ST8SIA1: variants seen among roughly 807,000 people sequenced by gnomAD.
ST8SIA1 encodes alpha-N-acetylneuraminide alpha-2,8-sialyltransferase.
A neutral mutation model predicts 35.9 loss-of-function variants in ST8SIA1; 16 were observed. The observed-to-expected ratio is 0.45, with a 90% CI of 0.30 to 0.68. ST8SIA1 has a LOEUF of 0.68. Ranked by LOEUF, ST8SIA1 falls within the 30% of genes least tolerant of loss-of-function variation. The probability of loss-of-function intolerance (pLI) is 0.09; values close to 1 mark genes in which losing one functional copy is unlikely to be tolerated. For missense variants in ST8SIA1, 383 were observed against 453.6 expected (o/e 0.84, Z 1.41); for synonymous variants, 170 against 169.6 (o/e 1.00, Z -0.02).
chr12:22,249,503 A>T (rs1030139699), intron 3 of ST8SIA1, among the ~76,000 whole-genome samples: 11 of 152,132 alleles, frequency 7.2e-5, no homozygotes, highest in Admixed American at 1.3e-4. Flanking sequence ...TACAGGCGTG[A>T]GCCACTGCAC....
At chr12:22,273,110 A>G (rs1865930892) in intron 2 of ST8SIA1, among the ~76,000 whole-genome samples, 1 of 152,200 alleles carries the variant, frequency 6.6e-6, no homozygotes, top group South Asian at 2.1e-4. Context: ...GGAGGCAGAC[A>G]AATGCCTAGA....
chr12:22,259,943 TGAATATTACTATTTTAACAGA>T (rs1865770019), intron 2 of ST8SIA1, among the ~76,000 whole-genome samples: 3 of 152,182 alleles, frequency 2.0e-5, no homozygotes, highest in Admixed American at 1.3e-4. Context: ...CATTGCCACA[TGAATATTACTATTTTAACAGA>T]GAATATTTTT....
intron 1 of ST8SIA1, among the ~76,000 whole-genome samples, chr12:22,320,600 T>G (rs1313754484): frequency 6.6e-6 from 1 of 152,112 alleles, no homozygotes; most frequent in African/African-American, 2.4e-5. Flanking sequence ...ATCCCAGCAC[T>G]TTGTGAGGCC....
chr12:22,309,370 T>G (rs1157794813), intron 1 of ST8SIA1, among the ~76,000 whole-genome samples: 2 of 152,290 alleles, frequency 1.3e-5, no homozygotes, highest in African/African-American at 4.8e-5. Context: ...AGAGTGGTTT[T>G]GGCCAGTCTA....
chr12:22,222,322 G>A (rs1166349952), intron 4 of ST8SIA1, among the ~76,000 whole-genome samples: 1 of 152,156 alleles, frequency 6.6e-6, no homozygotes, highest in African/African-American at 2.4e-5. Flanking sequence ...AACATGTTCA[G>A]CAAGAGAAGC....
At chr12:22,203,104 C>T (rs551496928) in intron 4 of ST8SIA1, among the ~76,000 whole-genome samples, 1 of 152,182 alleles carries the variant, frequency 6.6e-6, no homozygotes, top group Non-Finnish European at 1.5e-5. Context: ...AAAAGGTACT[C>T]TAATAGAATA....
At chr12:22,312,142 C>A (rs559730840) in intron 1 of ST8SIA1, among the ~76,000 whole-genome samples, 1 of 152,134 alleles carries the variant, frequency 6.6e-6, no homozygotes. Context: ...CCTCCCTCTC[C>A]TCTAAATAAA....
chr12:22,304,334 C>CTTTTTTTTTTTTTTTTTT (rs3063802), intron 1 of ST8SIA1, among the ~76,000 whole-genome samples: 7 of 106,224 alleles, frequency 6.6e-5, no homozygotes, highest in Admixed American at 9.9e-5. Context: ...TTTTCTTTTT[C>CTTTTTTTTTTTTTTTTTT]TTTTTTTTTT....
chr12:22,301,577 C>T (rs553893712), intron 1 of ST8SIA1, among the ~76,000 whole-genome samples: 366 of 152,258 alleles, frequency 2.4e-3, no homozygotes, highest in African/African-American at 8.5e-3. Flanking sequence ...TAGTTATTTG[C>T]ATAAGTTCAA....
intron 2 of ST8SIA1, among the ~76,000 whole-genome samples, chr12:22,265,450 A>G (rs1591838906): frequency 6.6e-6 from 1 of 152,212 alleles, no homozygotes; most frequent in Non-Finnish European, 1.5e-5. Flanking sequence ...ATCACCTTGT[A>G]GCCCGCCTGC....
intron 4 of ST8SIA1, among the ~76,000 whole-genome samples, chr12:22,204,769 G>A (rs1387714795): frequency 6.6e-6 from 1 of 152,024 alleles, no homozygotes; most frequent in Non-Finnish European, 1.5e-5. Flanking sequence ...CTCCCATTCT[G>A]TGACAAATGA....
chr12:22,265,943 C>G (rs1865843081), intron 2 of ST8SIA1, among the ~76,000 whole-genome samples: 1 of 152,038 alleles, frequency 6.6e-6, no homozygotes, highest in African/African-American at 2.4e-5. Flanking sequence ...CACTTCCGAT[C>G]TTCATTGAAG....
chr12:22,218,613 A>AAATAAATAAATAAAT (rs1194738903), intron 4 of ST8SIA1, among the ~76,000 whole-genome samples: 2 of 23,488 alleles, frequency 8.5e-5, no homozygotes, highest in African/African-American at 1.2e-4. Context: ...GCGAGACTCA[A>AAATAAATAAATAAAT]AATAAATAAA....
chr12:22,307,925 G>A (rs144711997), intron 1 of ST8SIA1, among the ~76,000 whole-genome samples: 44 of 152,112 alleles, frequency 2.9e-4, no homozygotes, highest in African/African-American at 6.3e-4. Flanking sequence ...TAAAACATAC[G>A]TGTATAAAAA....
intron 4 of ST8SIA1, among the ~76,000 whole-genome samples, chr12:22,243,660 C>T (rs998012064): frequency 7.2e-5 from 11 of 152,356 alleles, no homozygotes; most frequent in African/African-American, 2.6e-4. Flanking sequence ...TGGCTTAAAA[C>T]ATTGTATTCC....
intron 2 of ST8SIA1, among the ~76,000 whole-genome samples, chr12:22,280,611 C>T (rs1372418856): frequency 6.6e-6 from 1 of 152,242 alleles, no homozygotes; most frequent in Admixed American, 6.5e-5. Flanking sequence ...ATTTTGTTCT[C>T]AACCATAGAC....
intron 1 of ST8SIA1, among the ~76,000 whole-genome samples, chr12:22,287,764 C>T (rs11614453): frequency 0.15 from 23,404 of 152,140 alleles, 1,842 homozygotes; most frequent in Middle Eastern, 0.24. Flanking sequence ...AGGGAATACA[C>T]AGAGTGACCC....
chr12:22,261,038 G>A (rs1214508746), intron 2 of ST8SIA1, among the ~76,000 whole-genome samples: 1 of 151,458 alleles, frequency 6.6e-6, no homozygotes, highest in African/African-American at 2.4e-5. Flanking sequence ...CACCATGCCT[G>A]GCTAATTTTT....
chr12:22,233,838 C>T (rs1469209999), intron 4 of ST8SIA1, among the ~76,000 whole-genome samples: 4 of 152,116 alleles, frequency 2.6e-5, no homozygotes, highest in East Asian at 3.8e-4. Context: ...TTGTGCAGTG[C>T]TTAGTATTTT....
Sources: gnomAD v4.1 joint callset for allele counts (sites outside exome capture counted in the v4.1 genomes callset) on GRCh38, gnomAD v4.1.1 for gene constraint, MANE v1.5 for transcripts, NCBI Gene and HGNC (gene_info 2026-07-23, HGNC 2026-07-21) for gene names.